The following WASF2 variants were observed in gnomAD, a reference collection of about 807,000 sequenced individuals.
WASF2 encodes the protein actin-binding protein WASF2.
A neutral mutation model predicts 45.0 loss-of-function variants in WASF2; 14 were observed. That is an observed-to-expected ratio of 0.31 (90% CI 0.21 to 0.49). The LOEUF (loss-of-function observed/expected upper bound fraction) is 0.49. Among genes scored for constraint, WASF2 ranks in the 20% least tolerant of loss-of-function variants. The probability of loss-of-function intolerance (pLI) is 0.99; values close to 1 mark genes in which losing one functional copy is unlikely to be tolerated. For synonymous variants in WASF2, 200 were observed against 236.3 expected, an observed-to-expected ratio of 0.85 and a Z score of 1.41; for missense variants, 439 against 636.1, an observed-to-expected ratio of 0.69 and a Z score of 3.33.
chr1:27,485,525 T>A (rs976846182), intron 1 of WASF2, among the ~76,000 whole-genome samples: 6 of 152,158 alleles, frequency 3.9e-5, no homozygotes, highest in Admixed American at 3.3e-4. Flanking sequence ...GTGAAGATAT[T>A]AAAGCATAAA....
chr1:27,418,000 T>C lies in WASF2; in HGVS notation c.419+269A>G, dbSNP rs187667411. 2.4e-4 allele frequency among the ~76,000 whole-genome samples: 37 copies of C among 152,340 alleles called. No homozygotes were observed. The East Asian group carries it at 6.4e-3, about 26-fold the overall frequency. ...TGGAATCCAAGATGGACCTGGCTTA[T>C]ATGAAATTAAACTCTGTAGCATGCA... is the stretch of plus-strand genomic sequence containing the variant. On this transcript the variant is annotated intron_variant, in intron 4 of 8. Coordinates refer to ENST00000618852, the MANE Select transcript of WASF2 (RefSeq NM_006990.5).
chr1:27,477,898 CAAA>C (rs777021949), intron 1 of WASF2, among the ~76,000 whole-genome samples: 2 of 49,964 alleles, frequency 4.0e-5, no homozygotes, highest in African/African-American at 2.9e-4. Context: ...GACTCCGTCT[CAAA>C]AAAAAAAAAT....
At chr1:27,472,738 A>C (rs974737229) in intron 1 of WASF2, among the ~76,000 whole-genome samples, 13 of 148,862 alleles carry the variant, frequency 8.7e-5, no homozygotes, top group South Asian at 2.1e-4. Flanking sequence ...CAAGGCAAGG[A>C]TTGCTTGAGG....
intron 1 of WASF2, among the ~76,000 whole-genome samples, chr1:27,441,741 G>A (rs540320889): frequency 6.5e-4 from 70 of 108,040 alleles, no homozygotes; most frequent in East Asian, 3.3e-3. Flanking sequence ...GTGACAGAGC[G>A]AGACTCCGTC....
rs1375088917 is a variant in WASF2 at position 27,404,627 on chromosome 1, A to C, written c.*3562T>G. ...CAAGAACCCACAGGAATATGTCCTT[A>C]TAAATATGTTTGTATCAGAGAAAAC... On this transcript the variant is annotated 3_prime_UTR_variant, in exon 9 of 9. Coordinates refer to ENST00000618852, the MANE Select transcript of WASF2 (RefSeq NM_006990.5). 1 of 152,244 alleles carries C rather than the reference A, an allele frequency of 6.6e-6. No individual in the cohort carries two copies. Among genetic ancestry groups the C allele is most frequent in the African/African-American group, 2.4e-5 (1 of 41,464 alleles). 9.4% of individuals were successfully genotyped at this position (152,244 alleles called of 1,614,324 possible).
intron 1 of WASF2, among the ~76,000 whole-genome samples, chr1:27,433,069 T>C (rs1052237462): frequency 4.6e-5 from 7 of 152,308 alleles, no homozygotes; most frequent in African/African-American, 1.4e-4. Context: ...GGGCCCCTCA[T>C]TGATAAATAT....
At chr1:27,429,237 G>A (rs1199873200) in intron 1 of WASF2, among the ~76,000 whole-genome samples, 1 of 152,094 alleles carries the variant, frequency 6.6e-6, no homozygotes, top group Non-Finnish European at 1.5e-5. Context: ...CAACCAACAA[G>A]AGTCTCCAGA....
At chr1:27,417,768 GA>G (rs1350950063) in intron 4 of WASF2, among the ~76,000 whole-genome samples, 1 of 152,184 alleles carries the variant, frequency 6.6e-6, no homozygotes, top group Non-Finnish European at 1.5e-5. Context: ...GGAAGAATGC[GA>G]ATTACTCCTT....
chr1:27,487,739 A>G (rs944646887), intron 1 of WASF2, among the ~76,000 whole-genome samples: 5 of 126,390 alleles, frequency 4.0e-5, no homozygotes, highest in Non-Finnish European at 4.7e-5. Context: ...TATATAATGT[A>G]TATCATATTA....
At chr1:27,451,834 C>T (rs747054916) in intron 1 of WASF2, among the ~76,000 whole-genome samples, 2 of 152,146 alleles carry the variant, frequency 1.3e-5, no homozygotes, top group Admixed American at 6.6e-5. Context: ...CCTCAGATGA[C>T]GCCTAAAACT....
chr1:27,429,919 A>C (rs2017038596), intron 1 of WASF2, among the ~76,000 whole-genome samples: 1 of 152,176 alleles, frequency 6.6e-6, no homozygotes. Flanking sequence ...CTGTGCTGTA[A>C]GATTCCCTGG....
At chr1:27,434,793 A>C (rs2148115176) in intron 1 of WASF2, among the ~76,000 whole-genome samples, 1 of 152,224 alleles carries the variant, frequency 6.6e-6, no homozygotes, top group East Asian at 1.9e-4. Context: ...AAACAAATAA[A>C]AGACTGCCAG....
chr1:27,436,470 CA>C (rs2017140189), intron 1 of WASF2, among the ~76,000 whole-genome samples: 1 of 151,574 alleles, frequency 6.6e-6, no homozygotes. Context: ...AAGAAAGAAA[CA>C]AAAAAGAAAA....
At chr1:27,461,678 G>A (rs967033486) in intron 1 of WASF2, among the ~76,000 whole-genome samples, 20 of 151,796 alleles carry the variant, frequency 1.3e-4, no homozygotes, top group Non-Finnish European at 2.8e-4. Flanking sequence ...GTTTCACCGT[G>A]TTAGCCAGGA....
intron 1 of WASF2, among the ~76,000 whole-genome samples, chr1:27,466,366 G>A (rs1430070075): frequency 6.6e-6 from 1 of 152,122 alleles, no homozygotes; most frequent in Non-Finnish European, 1.5e-5. Flanking sequence ...AGAGACATCT[G>A]GACATTATGA....
chr1:27,478,275 C>CAAAAAAA (rs765416697), intron 1 of WASF2, among the ~76,000 whole-genome samples: 1 of 49,950 alleles, frequency 2.0e-5, no homozygotes. Context: ...AATAGCAAAG[C>CAAAAAAA]AAAAAAAAAA....
At chr1:27,438,218 T>C (rs1317403006) in intron 1 of WASF2, among the ~76,000 whole-genome samples, 1 of 152,218 alleles carries the variant, frequency 6.6e-6, no homozygotes, top group African/African-American at 2.4e-5. Context: ...TTTACTATCA[T>C]ACTATGCGAT....
chr1:27,450,170 C>A (rs1238476773), intron 1 of WASF2, among the ~76,000 whole-genome samples: 1 of 99,250 alleles, frequency 1.0e-5, no homozygotes, highest in East Asian at 2.4e-4. Flanking sequence ...AATTAGAGAC[C>A]AAGACTACCG....
chr1:27,486,567 G>A (rs535312258), intron 1 of WASF2, among the ~76,000 whole-genome samples: 2 of 152,058 alleles, frequency 1.3e-5, no homozygotes, highest in Non-Finnish European at 2.9e-5. Flanking sequence ...TTCAAGTGAC[G>A]GTGATATTTG....
Sources: allele counts gnomAD v4.1 joint callset (sites outside exome capture counted in the v4.1 genomes callset), GRCh38; gene constraint gnomAD v4.1.1; transcripts MANE v1.5; gene names NCBI Gene and HGNC (gene_info 2026-07-23, HGNC 2026-07-21).